The following NELL1 variants were observed in gnomAD, a reference collection of about 807,000 sequenced individuals.
NELL1 encodes neural EGFL like 1.
Under a neutral mutation model 107.4 loss-of-function variants are expected in NELL1, and 76 were observed. That is an observed-to-expected ratio of 0.71 (90% CI 0.59 to 0.86). NELL1 has a LOEUF of 0.86. Among genes scored for constraint, NELL1 ranks in the 40% least tolerant of loss-of-function variants. The pLI is 0.00. For missense variants in NELL1, 1,024 were observed against 1,005.5 expected (o/e 1.02, Z -0.25); for synonymous variants, 353 against 341.2 (o/e 1.03, Z -0.38).
intron 1 of NELL1, among the ~76,000 whole-genome samples, chr11:20,674,107 C>T (rs981948820): frequency 7.9e-5 from 12 of 152,150 alleles, no homozygotes; most frequent in Non-Finnish European, 1.6e-4. Context: ...ATACACTTAT[C>T]TTAAAGCCAG....
chr11:20,700,052 T>A lies in NELL1; in HGVS notation c.184+21992T>A, dbSNP rs796321539. On this transcript the variant is annotated intron_variant, in intron 2 of 19. Transcript: ENST00000357134. ...AATTAGGGACGTAGAACTTTTTTTT[T>A]ATAAAATGATGCTTTCATTATCAGT... is the stretch of plus-strand genomic sequence containing the variant. Among the ~76,000 whole-genome samples the A allele has an allele frequency of 2.4e-3, 367 of 152,298 alleles. 3 individuals carry two copies. Among genetic ancestry groups the A allele is most frequent in the African/African-American group, 8.3e-3 (344 of 41,562 alleles).
chr11:21,346,919 G>A lies in NELL1; in HGVS notation c.1550-23934G>A, dbSNP rs144673481. On this transcript the variant is annotated intron_variant, in intron 14 of 19. Transcript: ENST00000357134. Reference sequence around the variant, plus strand: ...AACCTCTATAGCCTCTTATTATAACGTGGCATACAATAATAATAACCAAAT... The same window carrying A: ...AACCTCTATAGCCTCTTATTATAACATGGCATACAATAATAATAACCAAAT... Among the ~76,000 whole-genome samples, 17 of 152,116 alleles carry A rather than the reference G, an allele frequency of 1.1e-4. 1 individual carries two copies. In the East Asian group the frequency reaches 1.9e-3, roughly 17 times the overall value.
chr11:20,955,775 A>G (rs572226817), intron 11 of NELL1, among the ~76,000 whole-genome samples: 8 of 152,312 alleles, frequency 5.3e-5, no homozygotes, highest in African/African-American at 1.7e-4. Context: ...TTTAATAACA[A>G]TATTATTATC....
intron 13 of NELL1, among the ~76,000 whole-genome samples, chr11:21,175,350 G>A (rs1856690250): frequency 6.6e-6 from 1 of 151,564 alleles, no homozygotes; most frequent in Admixed American, 6.6e-5. Context: ...TCTAACTCGA[G>A]AGTCAATGTT....
At chr11:21,059,388 A>T (rs1257292377) in intron 12 of NELL1, among the ~76,000 whole-genome samples, 1 of 151,736 alleles carries the variant, frequency 6.6e-6, no homozygotes, top group Non-Finnish European at 1.5e-5. Context: ...TGCTTTTCAT[A>T]CTTCATTCTG....
chr11:21,344,298 C>A (rs1246946169), intron 14 of NELL1, among the ~76,000 whole-genome samples: 2 of 152,164 alleles, frequency 1.3e-5, no homozygotes, highest in African/African-American at 4.8e-5. Flanking sequence ...GCAGCCATAA[C>A]ATGCTGAGAT....
intron 5 of NELL1, among the ~76,000 whole-genome samples, chr11:20,906,710 T>C (rs1189681108): frequency 6.6e-6 from 1 of 151,932 alleles, no homozygotes; most frequent in East Asian, 1.9e-4. Context: ...CAATATTATA[T>C]GCCACATTAA....
At position 21,227,639 on chromosome 11, in the gene NELL1, A is replaced by T. The variant is rs1241179120; in HGVS notation, c.1427-1693A>T. 2.6e-5 allele frequency among the ~76,000 whole-genome samples: 4 copies of T among 152,224 alleles called. No individual in the cohort carries two copies. The East Asian group carries it at 7.7e-4, about 29-fold the overall frequency. ...GATAGGTTTGTAAATTCGAGTGGAC[A>T]TGCACAAGGGTATACTGTTTCTGGA... On this transcript the variant is annotated intron_variant, in intron 13 of 19. Transcript: ENST00000357134.
intron 14 of NELL1, among the ~76,000 whole-genome samples, chr11:21,308,491 G>A (rs930199565): frequency 6.6e-6 from 1 of 152,032 alleles, no homozygotes; most frequent in Non-Finnish European, 1.5e-5. Flanking sequence ...AAAATGTGAT[G>A]AAAGCAGCAT....
chr11:21,017,059 A>G (rs1022396426), intron 12 of NELL1, among the ~76,000 whole-genome samples: 16 of 152,048 alleles, frequency 1.1e-4, no homozygotes, highest in Non-Finnish European at 2.2e-4. Flanking sequence ...CATCATCACC[A>G]CCATTCCCTT....
intron 14 of NELL1, among the ~76,000 whole-genome samples, chr11:21,294,159 G>C (rs928399978): frequency 2.0e-5 from 3 of 152,180 alleles, no homozygotes; most frequent in Middle Eastern, 3.4e-3. Flanking sequence ...TGCTTAATCA[G>C]AGGCAACTGT....
At chr11:20,689,677 G>T (rs996390107) in intron 2 of NELL1, among the ~76,000 whole-genome samples, 5 of 148,060 alleles carry the variant, frequency 3.4e-5, no homozygotes, top group Admixed American at 2.0e-4. Flanking sequence ...TCTTAATCCA[G>T]TCTATCATTG....
chr11:20,878,429 C>T (rs1467959144), intron 4 of NELL1, among the ~76,000 whole-genome samples: 1 of 149,564 alleles, frequency 6.7e-6, no homozygotes, highest in African/African-American at 2.4e-5. Flanking sequence ...TTTTCCTGCT[C>T]TTTCTGAAAT....
chr11:21,364,410 CAAAAAAAA>C (rs71034511), intron 14 of NELL1, among the ~76,000 whole-genome samples: 2 of 75,616 alleles, frequency 2.6e-5, no homozygotes, highest in Admixed American at 3.5e-4. Context: ...GACTCTGTCT[CAAAAAAAA>C]AAAAAAAAAA....
intron 12 of NELL1, among the ~76,000 whole-genome samples, chr11:20,970,800 TTG>T (rs1056217295): frequency 1.3e-5 from 2 of 152,090 alleles, no homozygotes; most frequent in Non-Finnish European, 1.5e-5. Context: ...ATTTTTTTTT[TTG>T]TGGGCCAGTA....
chr11:21,395,394 G>A (rs1244184337), intron 15 of NELL1, among the ~76,000 whole-genome samples: 1 of 151,526 alleles, frequency 6.6e-6, no homozygotes, highest in African/African-American at 2.4e-5. Flanking sequence ...CCTTCTGGGA[G>A]AGATCAAGCA....
At chr11:21,345,878 G>A (rs184892090) in intron 14 of NELL1, among the ~76,000 whole-genome samples, 127 of 152,262 alleles carry the variant, frequency 8.3e-4, no homozygotes, top group African/African-American at 3.0e-3. Context: ...CTTCATATCA[G>A]CTTTTACCTA....
At chr11:20,698,675 C>A (rs1296900431) in intron 2 of NELL1, among the ~76,000 whole-genome samples, 1 of 152,050 alleles carries the variant, frequency 6.6e-6, no homozygotes, top group Non-Finnish European at 1.5e-5. Flanking sequence ...TTTTGGGGAA[C>A]AGGTGGTTTT....
At chr11:21,128,758 C>T (rs1016384304) in intron 13 of NELL1, among the ~76,000 whole-genome samples, 1 of 152,150 alleles carries the variant, frequency 6.6e-6, no homozygotes, top group Non-Finnish European at 1.5e-5. Context: ...ACATCACGGC[C>T]ACCCAGGCTG....
Sources: allele counts gnomAD v4.1 joint callset (sites outside exome capture counted in the v4.1 genomes callset), GRCh38; gene constraint gnomAD v4.1.1; transcripts MANE v1.5; gene names NCBI Gene and HGNC (gene_info 2026-07-23, HGNC 2026-07-21).